WDR48: variants seen among roughly 807,000 people sequenced by gnomAD.
WDR48 encodes the protein WD repeat domain 48.
WDR48 carries 22 observed loss-of-function variants against 94.0 expected under a neutral mutation model. That is an observed-to-expected ratio of 0.23 (90% CI 0.17 to 0.33). The LOEUF is 0.33. Among genes scored for constraint, WDR48 ranks in the 10% least tolerant of loss-of-function variants. The pLI is 1.00. For synonymous variants in WDR48, 278 were observed against 280.5 expected (o/e 0.99, Z 0.09); for missense variants, 541 against 813.8 (o/e 0.66, Z 4.08).
At chr3:39,085,672 A>G (rs1350780991) in intron 14 of WDR48, 62 bp downstream of exon 14, 2 of 1,360,906 alleles carry the variant, frequency 1.5e-6, no homozygotes, top group Non-Finnish European at 2.1e-6. Context: ...AAAGGTACTT[A>G]CTAAAAGGTA....
At chr3:39,059,792 T>G (rs530390347) in intron 1 of WDR48, among the ~76,000 whole-genome samples, 64 of 152,220 alleles carry the variant, frequency 4.2e-4, no homozygotes, top group Non-Finnish European at 8.7e-4. Flanking sequence ...AAAGTGTTTA[T>G]TTATCCTCAG....
chr3:39,080,293 A>G (rs1454650210), intron 11 of WDR48, among the ~76,000 whole-genome samples: 1 of 152,218 alleles, frequency 6.6e-6, no homozygotes, highest in African/African-American at 2.4e-5. Flanking sequence ...ACCCTAGATG[A>G]GACACACTGG....
intron 14 of WDR48, 84 bp downstream of exon 14, chr3:39,085,694 C>CGGTTT: frequency 5.2e-6 from 6 of 1,143,990 alleles, no homozygotes; most frequent in Non-Finnish European, 7.6e-6. Flanking sequence ...TTACTTAAAC[C>CGGTTT]GTTAGCTAAA....
At chr3:39,064,596 A>C (rs374934994) in intron 2 of WDR48, among the ~76,000 whole-genome samples, 17 of 152,178 alleles carry the variant, frequency 1.1e-4, no homozygotes, top group African/African-American at 3.9e-4. Flanking sequence ...CATAGATGAG[A>C]AAATGGGCTC....
rs751967847 is a variant in WDR48 at position 39,088,161 on chromosome 3, G to A, written c.1508G>A (p.Gly503Glu). Residue 503 changes from glycine (G) to glutamate (E), a missense_variant, in exon 15 of 19, where the codon GGA becomes GAA. Gly to Glu is a moderately conservative substitution (Grantham distance 98, BLOSUM62 -2). Around this residue, in one of 5 missense-constraint regions of WDR48, gnomAD observed 238 missense variants for 285.3 expected, o/e 0.83. Coordinates refer to ENST00000302313, the MANE Select transcript of WDR48 (RefSeq NM_020839.4). Reference protein sequence around the residue: ...NGEQENRVQKGNGYFQVPPHT... With the variant: ...NGEQENRVQKENGYFQVPPHT... ...GAGCAGGAGAACCGAGTGCAGAAGG[G>A]AAATGGATATTTTCAAGTGCCCCCA... is the stretch of plus-strand genomic sequence containing the variant. 1.2e-6 allele frequency: 2 copies of A among 1,614,148 alleles called. No individual in the cohort carries two copies. The highest frequency in any genetic ancestry group is 8.5e-7 in the Non-Finnish European group (1 of 1,180,030).
At chr3:39,064,675 A>C (rs2033489171) in intron 2 of WDR48, among the ~76,000 whole-genome samples, 1 of 152,178 alleles carries the variant, frequency 6.6e-6, no homozygotes, top group South Asian at 2.1e-4. Context: ...TGAAAACCCT[A>C]GTGCTAGACC....
intron 1 of WDR48, among the ~76,000 whole-genome samples, chr3:39,060,796 A>G (rs1486947931): frequency 6.6e-6 from 1 of 152,106 alleles, no homozygotes; most frequent in Non-Finnish European, 1.5e-5. Context: ...TGAAACCACC[A>G]TCTCTACTAA....
At chr3:39,073,017 T>G (rs1327161403) in intron 7 of WDR48, among the ~76,000 whole-genome samples, 1 of 152,164 alleles carries the variant, frequency 6.6e-6, no homozygotes, top group East Asian at 1.9e-4. Flanking sequence ...CCTTTCCTGT[T>G]ACAAGTTGCC....
At chr3:39,072,832 CGAA>C (rs2034013920) in intron 7 of WDR48, among the ~76,000 whole-genome samples, 1 of 152,162 alleles carries the variant, frequency 6.6e-6, no homozygotes, top group Non-Finnish European at 1.5e-5. Context: ...CCAAATGCTG[CGAA>C]GAAGTTGGCC....
In WDR48 at chr3:39,074,723, C is replaced by A. The variant is rs1436557384; in HGVS notation, c.673-3C>A. The A allele has an allele frequency of 1.9e-6, 3 of 1,613,108 alleles. No homozygotes were observed. Among genetic ancestry groups the A allele is most frequent in the Non-Finnish European group, 2.5e-6 (3 of 1,179,354 alleles). On this transcript the variant is annotated splice_region_variant and splice_polypyrimidine_tract_variant and intron_variant, in intron 7 of 18. Coordinates refer to ENST00000302313, the MANE Select transcript of WDR48 (RefSeq NM_020839.4). ...TTCTAACTTTGCCTTTCTTTGTTTG[C>A]AGTGCCTGTCAGGCAGTTCTGATGG...
chr3:39,060,611 C>G (rs535177335), intron 1 of WDR48, among the ~76,000 whole-genome samples: 2 of 152,308 alleles, frequency 1.3e-5, no homozygotes, highest in East Asian at 1.9e-4. Flanking sequence ...GTAAAGATTA[C>G]CATCTTTCTT....
chr3:39,058,510 A>T (rs1343521513), intron 1 of WDR48, among the ~76,000 whole-genome samples: 4 of 152,192 alleles, frequency 2.6e-5, no homozygotes, highest in Non-Finnish European at 2.9e-5. Flanking sequence ...AAGTCTGGAT[A>T]TCAAGATTTA....
intron 10 of WDR48, among the ~76,000 whole-genome samples, chr3:39,078,951 A>G (rs1448203165): frequency 6.8e-6 from 1 of 146,910 alleles, no homozygotes; most frequent in East Asian, 2.1e-4. Context: ...AATGGCGTGA[A>G]CCCGGGAGGC....
intron 11 of WDR48, among the ~76,000 whole-genome samples, chr3:39,082,022 C>A (rs1437302379): frequency 6.6e-6 from 1 of 152,228 alleles, no homozygotes; most frequent in African/African-American, 2.4e-5. Context: ...GCATTCTAAC[C>A]TTGGCTGTGC....
At chr3:39,085,054 C>T (rs367736819) in intron 13 of WDR48, among the ~76,000 whole-genome samples, 4 of 151,968 alleles carry the variant, frequency 2.6e-5, no homozygotes, top group Non-Finnish European at 5.9e-5. Context: ...GGTGAAACCC[C>T]GTCTCTACTA....
At chr3:39,076,831 A>G (rs897911201) in intron 8 of WDR48, among the ~76,000 whole-genome samples, 1 of 152,242 alleles carries the variant, frequency 6.6e-6, no homozygotes, top group South Asian at 2.1e-4. Flanking sequence ...TAACAAGAAG[A>G]GAAAATTATG....
At chr3:39,052,301 ATT>A in intron 1 of WDR48, 1 of 539,808 alleles carries the variant, frequency 1.9e-6, no homozygotes, top group Non-Finnish European at 3.3e-6. Context: ...CGTGGGCGGC[ATT>A]CTGAGCCCGG....
intron 1 of WDR48, among the ~76,000 whole-genome samples, chr3:39,060,053 AT>A (rs1559597461): frequency 6.6e-6 from 1 of 152,172 alleles, no homozygotes. Context: ...ACTTTTTGAC[AT>A]TCAGAAGGTT....
rs1362168392 is a variant in WDR48 at position 39,052,130 on chromosome 3, C to T, written c.48+57C>T. 1.4e-5 allele frequency: 23 copies of T among 1,605,112 alleles called. No individual in the cohort carries two copies. The East Asian group carries it at 4.3e-4, about 30-fold the overall frequency. The stretch of plus-strand genomic sequence containing the variant: ...CGCGGCCGGCAGCTCCGGGCCCACT[C>T]CAGCTAGAAGGTGCCCGGCGCCACG... On this transcript the variant is annotated intron_variant, in intron 1 of 18. Coordinates refer to ENST00000302313, the MANE Select transcript of WDR48 (RefSeq NM_020839.4).
Sources: gnomAD v4.1 joint callset for allele counts (sites outside exome capture counted in the v4.1 genomes callset) on GRCh38, gnomAD v4.1.1 for gene constraint, gnomAD v4.1.1 regional missense constraint, MANE v1.5 for transcripts, NCBI Gene and HGNC (gene_info 2026-07-23, HGNC 2026-07-21) for gene names.